Variants in LIN28B observed in about 807,000 individuals in gnomAD.
The protein encoded by LIN28B is lin-28 RNA binding posttranscriptional regulator B.
A neutral mutation model predicts 21.9 loss-of-function variants in LIN28B; 5 were observed. The observed-to-expected ratio is 0.23, with a 90% CI of 0.12 to 0.48. The LOEUF (loss-of-function observed/expected upper bound fraction) is 0.48. Ranked by LOEUF, LIN28B falls within the 20% of genes least tolerant of loss-of-function variation. LIN28B has a pLI of 0.98. For synonymous variants in LIN28B, 109 were observed against 111.3 expected, an observed-to-expected ratio of 0.98 and a Z score of 0.13; for missense variants, 245 against 310.5, an observed-to-expected ratio of 0.79 and a Z score of 1.58.
chr6:104,983,984 G>A (rs1367573990), intron 2 of LIN28B, among the ~76,000 whole-genome samples: 1 of 152,084 alleles, frequency 6.6e-6, no homozygotes, highest in African/African-American at 2.4e-5. Flanking sequence ...AGTAAGTCAC[G>A]AACAATTTAC....
intron 2 of LIN28B, among the ~76,000 whole-genome samples, chr6:105,001,438 C>T (rs769281241): frequency 4.6e-5 from 7 of 152,206 alleles, no homozygotes; most frequent in Non-Finnish European, 7.3e-5. Context: ...TGTGGGTCTT[C>T]TCAGAGCTAG....
intron 2 of LIN28B, among the ~76,000 whole-genome samples, chr6:104,990,290 G>A (rs188830769): frequency 3.2e-4 from 48 of 151,288 alleles, no homozygotes; most frequent in African/African-American, 1.1e-3. Flanking sequence ...AGTTCTGCAG[G>A]CATAGCGTTT....
intron 2 of LIN28B, among the ~76,000 whole-genome samples, chr6:104,998,301 A>G (rs1192837265): frequency 6.6e-6 from 1 of 152,196 alleles, no homozygotes. Flanking sequence ...ATAAAGTTCA[A>G]CTAAAAGAGG....
chr6:105,043,646 G>C (rs1010634907), intron 3 of LIN28B, among the ~76,000 whole-genome samples: 47 of 151,446 alleles, frequency 3.1e-4, no homozygotes, highest in African/African-American at 1.0e-3. Flanking sequence ...GCAGTGGCAG[G>C]ATCTCAGCTT....
intron 2 of LIN28B, among the ~76,000 whole-genome samples, chr6:104,964,153 G>T (rs1769810435): frequency 6.6e-6 from 1 of 152,102 alleles, no homozygotes; most frequent in Admixed American, 6.6e-5. Context: ...CAGCTCTTTT[G>T]GTTTGTGATT....
intron 2 of LIN28B, among the ~76,000 whole-genome samples, chr6:104,962,321 G>T (rs1439730674): frequency 6.6e-6 from 1 of 151,748 alleles, no homozygotes; most frequent in Non-Finnish European, 1.5e-5. Flanking sequence ...TACTCAGTAG[G>T]CCTAAATATT....
intron 3 of LIN28B, among the ~76,000 whole-genome samples, chr6:105,073,812 A>G (rs765075176): frequency 6.6e-6 from 1 of 152,088 alleles, no homozygotes; most frequent in Admixed American, 6.5e-5. Context: ...CATTTACACC[A>G]TTGGAATATT....
chr6:105,025,981 A>C (rs1341827150), intron 2 of LIN28B, among the ~76,000 whole-genome samples: 1 of 152,056 alleles, frequency 6.6e-6, no homozygotes, highest in Non-Finnish European at 1.5e-5. Context: ...ATTTTTTACC[A>C]ATCAGTGCTG....
At chr6:105,029,576 G>A (rs1771375310) in intron 3 of LIN28B, among the ~76,000 whole-genome samples, 1 of 152,080 alleles carries the variant, frequency 6.6e-6, no homozygotes, top group African/African-American at 2.4e-5. Context: ...GAGAGTGATG[G>A]TAGAAGAGTA....
chr6:104,967,409 G>C (rs921482877), intron 2 of LIN28B, among the ~76,000 whole-genome samples: 1 of 151,192 alleles, frequency 6.6e-6, no homozygotes, highest in Non-Finnish European at 1.5e-5. Context: ...GTAAAACCCT[G>C]TCTCTCCTAA....
At chr6:104,973,646 G>A (rs772584544) in intron 2 of LIN28B, among the ~76,000 whole-genome samples, 37 of 152,324 alleles carry the variant, frequency 2.4e-4, no homozygotes, top group Admixed American at 4.6e-4. Context: ...GTTCCTTGAC[G>A]AAGAGTGTAG....
At chr6:105,031,576 C>A (rs1217525428) in intron 3 of LIN28B, among the ~76,000 whole-genome samples, 2 of 151,382 alleles carry the variant, frequency 1.3e-5, no homozygotes, top group African/African-American at 4.8e-5. Flanking sequence ...CTCCATCGCC[C>A]AGGCTGGAGT....
upstream of LIN28B, chr6:104,956,918 C>CA: frequency 2.5e-6 from 1 of 406,668 alleles, no homozygotes; most frequent in Non-Finnish European, 4.2e-6. Context: ...TTTAAGATAA[C>CA]ATGTTTGAGT....
chr6:104,938,445 C>T (rs555854190), intron 2 of LIN28B, among the ~76,000 whole-genome samples: 4 of 152,078 alleles, frequency 2.6e-5, no homozygotes, highest in East Asian at 1.9e-4. Context: ...TTGAGACCAG[C>T]GTGGGCAACA....
intron 2 of LIN28B, among the ~76,000 whole-genome samples, chr6:104,945,793 A>G (rs1438673707): frequency 6.6e-6 from 1 of 152,140 alleles, no homozygotes; most frequent in African/African-American, 2.4e-5. Context: ...CATTTAAGCT[A>G]AAGAATTGTG....
intron 3 of LIN28B, among the ~76,000 whole-genome samples, chr6:105,033,057 T>C (rs1357336898): frequency 6.6e-6 from 1 of 152,208 alleles, no homozygotes; most frequent in Non-Finnish European, 1.5e-5. Context: ...GAAGATGATT[T>C]ATCAATCTTT....
chr6:105,020,344 A>ATTTTTT, intron 2 of LIN28B, among the ~76,000 whole-genome samples: 1 of 145,348 alleles, frequency 6.9e-6, no homozygotes, highest in East Asian at 2.0e-4. Context: ...TACAGCAAGG[A>ATTTTTT]TTTTTTTTTT....
intron 2 of LIN28B, among the ~76,000 whole-genome samples, chr6:104,984,596 G>C (rs1429948120): frequency 2.0e-5 from 3 of 151,866 alleles, no homozygotes; most frequent in Non-Finnish European, 4.4e-5. Context: ...ACCATGCCCA[G>C]CTAATTATTT....
chr6:104,949,750 C>T (rs1778198614), intron 2 of LIN28B, among the ~76,000 whole-genome samples: 1 of 152,094 alleles, frequency 6.6e-6, no homozygotes, highest in Admixed American at 6.5e-5. Flanking sequence ...AATCACTATA[C>T]TTGATTACTG....
Sources: allele counts gnomAD v4.1 joint callset (sites outside exome capture counted in the v4.1 genomes callset), GRCh38; gene constraint gnomAD v4.1.1; transcripts MANE v1.5; gene names NCBI Gene and HGNC (gene_info 2026-07-23, HGNC 2026-07-21).